Variants in TMC5 observed in about 807,000 individuals in gnomAD.
The protein encoded by TMC5 is transmembrane channel like 5.
TMC5 carries 86 observed loss-of-function variants against 110.5 expected under a neutral mutation model. The observed-to-expected ratio is 0.78, with a 90% confidence interval of 0.65 to 0.93. The LOEUF (loss-of-function observed/expected upper bound fraction) is 0.93, where lower values mean the gene tolerates loss of function less well. Ranked by LOEUF, TMC5 falls within the 40% of genes least tolerant of loss-of-function variation. TMC5 has a pLI of 0.00. For synonymous variants in TMC5, 455 were observed against 439.5 expected (o/e 1.04, Z -0.44); for missense variants, 1,144 against 1,222.8 (o/e 0.94, Z 0.96).
At chr16:19,489,642 T>TG (rs1256719293) in intron 17 of TMC5, among the ~76,000 whole-genome samples, 12 of 106,432 alleles carry the variant, frequency 1.1e-4, no homozygotes, top group African/African-American at 3.9e-4. Flanking sequence ...CATGCCTGGC[T>TG]AATTTTTTTT....
chr16:19,482,802 A>G (rs1022707666), intron 15 of TMC5, among the ~76,000 whole-genome samples: 2 of 152,194 alleles, frequency 1.3e-5, no homozygotes, highest in African/African-American at 2.4e-5. Flanking sequence ...AAATATTTTT[A>G]CAAACTCACC....
At chr16:19,421,630 C>T (rs1366493135) in intron 1 of TMC5, among the ~76,000 whole-genome samples, 2 of 152,178 alleles carry the variant, frequency 1.3e-5, no homozygotes, top group African/African-American at 2.4e-5. Context: ...TTTAAATTTG[C>T]ACCTCAGCTC....
chr16:19,434,067 AT>A (rs1297166694), intron 2 of TMC5, among the ~76,000 whole-genome samples: 5 of 23,514 alleles, frequency 2.1e-4, no homozygotes, highest in African/African-American at 7.0e-4. Context: ...ATAAATCTAT[AT>A]ATATTATATA....
chr16:19,479,514 G>C lies in TMC5; in HGVS notation c.2253G>C (p.Gly751=), dbSNP rs1354479843. The change falls in exon 14 of 22, where the codon GGG becomes GGC. Residue 751 remains glycine (G), a synonymous_variant. Coordinates refer to ENST00000542583, the MANE Select transcript of TMC5 (RefSeq NM_001261841.2). ...FVFSLVNSFL[G]EFLRRIIGMQ... ...TCTCTTTAGTCAATTCCTTCCTGGG[G>C]GAGTTTCTGAGGAGGTAAATATTTG... 3.1e-6 allele frequency: 5 copies of C among 1,613,162 alleles called. No individual in the cohort carries two copies. The highest frequency in any genetic ancestry group is 4.2e-6 in the Non-Finnish European group (5 of 1,179,314).
chr16:19,428,975 G>A (rs1348668423), intron 1 of TMC5, among the ~76,000 whole-genome samples: 2 of 152,100 alleles, frequency 1.3e-5, no homozygotes, highest in African/African-American at 4.8e-5. Context: ...ACAGGTGCGA[G>A]CCACCACGCC....
intron 2 of TMC5, among the ~76,000 whole-genome samples, chr16:19,432,637 G>A (rs886552554): frequency 2.0e-5 from 3 of 152,166 alleles, no homozygotes; most frequent in African/African-American, 7.2e-5. Flanking sequence ...CCTTTTCTGT[G>A]GGTTTAGCTC....
upstream of TMC5, among the ~76,000 whole-genome samples, chr16:19,417,184 C>G (rs12448160): frequency 2.6e-5 from 4 of 151,184 alleles, no homozygotes; most frequent in Non-Finnish European, 5.9e-5. Context: ...TTTTGGAGAC[C>G]GAGATGGGTG....
intron 1 of TMC5, among the ~76,000 whole-genome samples, chr16:19,418,742 T>C (rs1966913925): frequency 6.6e-6 from 1 of 151,206 alleles, no homozygotes; most frequent in African/African-American, 2.4e-5. Flanking sequence ...TTTTTTTTTT[T>C]TTCGAGACAA....
At chr16:19,477,170 C>G in intron 12 of TMC5, 1 of 290,738 alleles carries the variant, frequency 3.4e-6, no homozygotes, top group Non-Finnish European at 6.7e-6. Flanking sequence ...ATGGCGTGAA[C>G]CTGGGAGGCG....
chr16:19,440,307 C>T lies in TMC5; in HGVS notation c.269C>T (p.Ala90Val). The T allele has an allele frequency of 6.2e-7, 1 of 1,614,116 alleles. No individual in the cohort carries two copies. Among genetic ancestry groups the T allele is most frequent in the South Asian group, 1.1e-5 (1 of 91,064 alleles). Residue 90 changes from alanine (A) to valine (V), a missense_variant, in exon 3 of 22, where the codon GCA becomes GTA. By Grantham distance (64) the Ala-to-Val change is moderately conservative. Transcript: ENST00000542583. ...NPDYSGTRSNAYSAASRTSPD... is the reference protein window; with the variant it reads ...NPDYSGTRSNVYSAASRTSPD... The stretch of plus-strand genomic sequence containing the variant: ...GACTATTCTGGCACCAGAAGCAATG[C>T]ATACTCTGCAGCCTCTAGAACAAGC...
At chr16:19,490,898 T>TTCCCC (rs1406513208) in intron 18 of TMC5, among the ~76,000 whole-genome samples, 118 of 92,312 alleles carry the variant, frequency 1.3e-3, no homozygotes, top group African/African-American at 3.8e-3. Flanking sequence ...TCTTTCTCCC[T>TTCCCC]TCCCCTCCCT....
At position 19,490,569 on chromosome 16, in the gene TMC5, G is replaced by A. The variant is rs1239000006; in HGVS notation, c.2747+1G>A. 1.5e-5 allele frequency: 25 copies of A among 1,613,972 alleles called. No individual in the cohort carries two copies. The highest frequency in any genetic ancestry group is 1.6e-4 in the Middle Eastern group (1 of 6,084). Reference sequence around the variant, plus strand: ...TTTTCATCCTCACCCTCATTGTGCTGTGAGTGTGGTACCCGGGGAATCTAG... The same window carrying A: ...TTTTCATCCTCACCCTCATTGTGCTATGAGTGTGGTACCCGGGGAATCTAG... On this transcript the variant is annotated splice_donor_variant, in intron 18 of 21. Coordinates refer to ENST00000542583, the MANE Select transcript of TMC5 (RefSeq NM_001261841.2). LOFTEE classifies it high-confidence loss of function.
chr16:19,421,686 C>G (rs1213607815), intron 1 of TMC5, among the ~76,000 whole-genome samples: 1 of 152,224 alleles, frequency 6.6e-6, no homozygotes, highest in Non-Finnish European at 1.5e-5. Context: ...CTGCTGCAAA[C>G]AGCATTGAAT....
intron 9 of TMC5, among the ~76,000 whole-genome samples, chr16:19,466,913 T>C (rs1968204679): frequency 6.6e-6 from 1 of 152,064 alleles, no homozygotes; most frequent in African/African-American, 2.4e-5. Flanking sequence ...GGGAGTCTGA[T>C]GCAGGCTGAT....
chr16:19,419,359 C>T (rs1449581307), intron 1 of TMC5, among the ~76,000 whole-genome samples: 1 of 147,568 alleles, frequency 6.8e-6, no homozygotes, highest in African/African-American at 2.5e-5. Flanking sequence ...ATTCTTTCTA[C>T]ACTAGAGAGG....
At chr16:19,497,086 T>C in intron 20 of TMC5, 35 bp from the exon 21 acceptor site, 2 of 1,613,234 alleles carry the variant, frequency 1.2e-6, no homozygotes, top group South Asian at 2.2e-5. Context: ...GCATTCTTCC[T>C]CCGTGACGTG....
intron 15 of TMC5, among the ~76,000 whole-genome samples, chr16:19,485,112 CTTTTT>C (rs35687638): frequency 7.9e-6 from 1 of 127,304 alleles, no homozygotes. Context: ...TATTATTTGC[CTTTTT>C]TTTTTTTTTT....
At chr16:19,497,772 G>C in intron 21 of TMC5, 148 bp from the exon 22 acceptor site, 2 of 668,492 alleles carry the variant, frequency 3.0e-6, no homozygotes, top group South Asian at 4.0e-5. Flanking sequence ...CCAGTGATGG[G>C]AGTTCAAGGG....
At chr16:19,477,404 T>C (rs1180886557) in intron 12 of TMC5, 36 bp from the exon 13 acceptor site, 3 of 1,466,034 alleles carry the variant, frequency 2.0e-6, no homozygotes, top group Non-Finnish European at 2.9e-6. Context: ...AAGACTGCCA[T>C]TGAAGGTAAT....
Sources: allele counts gnomAD v4.1 joint callset (sites outside exome capture counted in the v4.1 genomes callset), GRCh38; gene constraint gnomAD v4.1.1; transcripts MANE v1.5; gene names NCBI Gene and HGNC (gene_info 2026-07-23, HGNC 2026-07-21).